SORBS2: variants seen among roughly 807,000 people sequenced by gnomAD.
SORBS2 encodes the protein sorbin and SH3 domain containing 2, also known as sorbin and SH3 domain-containing protein 2.
In SORBS2, 46 loss-of-function variants were observed where a neutral mutation model predicts 97.7. That is an observed-to-expected ratio of 0.47 (90% CI 0.37 to 0.60). The LOEUF is 0.60. Among genes scored for constraint, SORBS2 ranks in the 20% least tolerant of loss-of-function variants. The probability of loss-of-function intolerance (pLI) is 0.00; values close to 1 mark genes in which losing one functional copy is unlikely to be tolerated. For missense variants in SORBS2, 1,316 were observed against 1,282.3 expected (o/e 1.03, Z -0.40); for synonymous variants, 476 against 473.4 (o/e 1.01, Z -0.07).
At chr4:185,784,389 C>T (rs1282248301) in intron 1 of SORBS2, among the ~76,000 whole-genome samples, 1 of 152,200 alleles carries the variant, frequency 6.6e-6, no homozygotes, top group East Asian at 1.9e-4. Flanking sequence ...CTCGGCCTCC[C>T]AAAGTGCTGG....
At chr4:185,768,203 G>A (rs1234230825) in intron 2 of SORBS2, among the ~76,000 whole-genome samples, 1 of 152,104 alleles carries the variant, frequency 6.6e-6, no homozygotes, top group Non-Finnish European at 1.5e-5. Context: ...CCTGTGGCAC[G>A]GCTCCTTGCA....
chr4:185,603,981 G>A (rs972332601), intron 12 of SORBS2, among the ~76,000 whole-genome samples: 7 of 152,116 alleles, frequency 4.6e-5, no homozygotes, highest in East Asian at 1.9e-4. Context: ...TGAACCTGCC[G>A]ATCGGTGGGA....
intron 6 of SORBS2, 155 bp downstream of exon 18, chr4:185,626,677 G>A (rs777874203): frequency 9.6e-6 from 7 of 732,720 alleles, no homozygotes; most frequent in Non-Finnish European, 1.6e-5. Flanking sequence ...AGTCAGTCTG[G>A]GTGGGAAGAA....
chr4:185,610,398 G>A (rs1473082645), intron 12 of SORBS2, among the ~76,000 whole-genome samples: 1 of 140,446 alleles, frequency 7.1e-6, no homozygotes, highest in Non-Finnish European at 1.5e-5. Context: ...TGGTAATGAA[G>A]TAAATATACT....
intron 2 of SORBS2, among the ~76,000 whole-genome samples, chr4:185,703,945 C>CTAAAAT: frequency 2.0e-5 from 3 of 152,144 alleles, no homozygotes; most frequent in Non-Finnish European, 4.4e-5. Context: ...AACTCTAGGT[C>CTAAAAT]AAGGCAATAA....
At chr4:185,754,773 T>G (rs2153602624) in intron 2 of SORBS2, among the ~76,000 whole-genome samples, 1 of 152,262 alleles carries the variant, frequency 6.6e-6, no homozygotes, top group South Asian at 2.1e-4. Context: ...TACCATGGGG[T>G]CTCACAGTCC....
intron 1 of SORBS2, chr4:185,933,337 A>G (rs4862602): frequency 0.76 from 116,328 of 152,130 alleles, 44,551 homozygotes; most frequent in Middle Eastern, 0.86. Flanking sequence ...TTAAAGTACA[A>G]CAGTGTTTGA....
chr4:185,763,280 T>C (rs1442624788), intron 2 of SORBS2, among the ~76,000 whole-genome samples: 3 of 152,158 alleles, frequency 2.0e-5, no homozygotes, highest in East Asian at 1.9e-4. Context: ...GACATTCCCA[T>C]GTGAAAGGTG....
chr4:185,638,712 C>T (rs1253624185), intron 4 of SORBS2, among the ~76,000 whole-genome samples, 165 bp downstream of exon 14: 1 of 137,962 alleles, frequency 7.2e-6, no homozygotes, highest in Non-Finnish European at 1.6e-5. Flanking sequence ...GGGAGGGGGA[C>T]AGGGCATTGG....
chr4:185,932,542 T>G (rs1055487675), intron 1 of SORBS2, among the ~76,000 whole-genome samples: 8 of 152,068 alleles, frequency 5.3e-5, no homozygotes, highest in African/African-American at 1.9e-4. Flanking sequence ...ACCTCACCAT[T>G]AAGGAGCTAA....
rs1216060134 is a variant in SORBS2, at chr4:185,914,588, C to T, written c.-338+41608G>A. Among the ~76,000 whole-genome samples the T allele has an allele frequency of 3.9e-5, 6 of 152,156 alleles. No individual in the cohort carries two copies. In the East Asian group the frequency reaches 5.8e-4, roughly 15 times the overall value. The stretch of plus-strand genomic sequence containing the variant: ...CTGAAAGGTACTATTATGTTATTAC[C>T]GTGAACGCACGTTCATTGTAAATAC... On this transcript the variant is annotated intron_variant, in intron 1 of 20. Coordinates refer to the SORBS2 transcript ENST00000284776.
rs1239685583 is a variant in SORBS2 at position 185,623,211 on chromosome 4, T to C, written c.1918A>G (p.Lys640Glu). 6 of 1,614,152 alleles carry C rather than the reference T, an allele frequency of 3.7e-6. No homozygotes were observed. The highest frequency in any genetic ancestry group is 1.7e-5 in the Admixed American group (1 of 60,018). ...GCTTTAATTTGGTCACAGATGTCTT[T>C]AAGGGCAGAGTCCAGAGCCTCAAAC... The change falls in exon 7 of 15, where the codon AAA becomes GAA. Residue 640 changes from lysine to glutamate, a missense_variant. By Grantham distance (56) the Lys-to-Glu change is moderately conservative. Coordinates refer to ENST00000418609, the Ensembl canonical transcript of SORBS2. The surrounding 1 kb of genome is among the most constrained non-coding windows in gnomAD (Gnocchi z 6.4).
intron 1 of SORBS2, among the ~76,000 whole-genome samples, chr4:185,849,700 C>T (rs2099216723): frequency 6.6e-6 from 1 of 152,104 alleles, no homozygotes; most frequent in Admixed American, 6.6e-5. Flanking sequence ...TGGGACTTTG[C>T]CTATAAAATA....
intron 7 of SORBS2, among the ~76,000 whole-genome samples, chr4:185,621,497 T>C (rs866388669): frequency 6.6e-6 from 1 of 152,186 alleles, no homozygotes; most frequent in African/African-American, 2.4e-5. Flanking sequence ...CTGGAGAAGG[T>C]AGCTAATTTA....
At chr4:185,645,022 C>T (rs1016914575) in intron 4 of SORBS2, among the ~76,000 whole-genome samples, 9 of 152,026 alleles carry the variant, frequency 5.9e-5, no homozygotes, top group African/African-American at 2.4e-5. Flanking sequence ...TCCTGTTCCC[C>T]GCTGTGCACC....
intron 1 of SORBS2, among the ~76,000 whole-genome samples, chr4:185,797,477 A>G (rs1407601987): frequency 6.6e-6 from 1 of 152,068 alleles, no homozygotes; most frequent in Non-Finnish European, 1.5e-5. Flanking sequence ...TCTTTCCCTA[A>G]AGAATTAACC....
chr4:185,607,247 C>A lies in SORBS2; in HGVS notation c.2796+4533G>T. On this transcript the variant is annotated intron_variant, in intron 12 of 14. Transcript: ENST00000418609. This position sits in a 1 kb window ranked among gnomAD's most constrained non-coding sequence, Gnocchi z 5.2. ...AAAGGGTTTGCTGGTAGACATGAGG[C>A]TGTCAGGGACAACCAGCCCTGGCCA... is the stretch of plus-strand genomic sequence containing the variant. The A allele has an allele frequency of 8.2e-7, 1 of 1,225,868 alleles. No homozygotes were observed. Among genetic ancestry groups the A allele is most frequent in the Non-Finnish European group, 1.0e-6 (1 of 961,208 alleles). The allele number at this position is 1,225,868 out of a possible 1,614,324, so 75.9% of individuals were successfully genotyped here. A position where few individuals can be genotyped will look rare whatever the true frequency, so the allele number is the denominator to read the frequency against.
chr4:185,731,886 A>C (rs866368805), intron 2 of SORBS2, among the ~76,000 whole-genome samples: 1,176 of 88,672 alleles, frequency 0.013, 4 homozygotes, highest in Non-Finnish European at 0.019. Flanking sequence ...ATATATATAT[A>C]TATATATATA....
intron 1 of SORBS2, among the ~76,000 whole-genome samples, chr4:185,901,447 G>A (rs928985852): frequency 5.1e-4 from 78 of 152,162 alleles, no homozygotes; most frequent in Admixed American, 3.0e-3. Context: ...CAGGTGATGC[G>A]CCCGCCTCGG....
Sources: allele counts gnomAD v4.1 joint callset (sites outside exome capture counted in the v4.1 genomes callset), GRCh38; gene constraint gnomAD v4.1.1; non-coding constraint Gnocchi (gnomAD v3.1); transcripts MANE v1.5; gene names NCBI Gene and HGNC (gene_info 2026-07-23, HGNC 2026-07-21).